Variants in DYNC2I1 observed in about 807,000 individuals in gnomAD.
DYNC2I1 encodes cytoplasmic dynein 2 intermediate chain 1.
DYNC2I1 carries 89 observed loss-of-function variants against 133.4 expected under a neutral mutation model. That is an observed-to-expected ratio of 0.67 (90% CI 0.56 to 0.80). The LOEUF (loss-of-function observed/expected upper bound fraction) is 0.80, where lower values mean the gene tolerates loss of function less well. DYNC2I1 is among the 30% of genes least tolerant of loss of function. DYNC2I1 has a pLI of 0.00. For synonymous variants in DYNC2I1, 504 were observed against 484.3 expected (o/e 1.04, Z -0.54); for missense variants, 1,291 against 1,314.5 (o/e 0.98, Z 0.28).
chr7:158,885,873 G>T (rs1053409996), intron 6 of DYNC2I1, among the ~76,000 whole-genome samples: 3 of 151,930 alleles, frequency 2.0e-5, no homozygotes, highest in African/African-American at 4.8e-5. Context: ...TTGTTAAACC[G>T]CATGGTATAT....
At chr7:158,882,475 A>G (rs1178954390) in intron 5 of DYNC2I1, among the ~76,000 whole-genome samples, 1 of 151,580 alleles carries the variant, frequency 6.6e-6, no homozygotes, top group African/African-American at 2.4e-5. Context: ...CCCAGCTACT[A>G]CAGAAGCTGA....
At chr7:158,848,673 C>T in the DYNC2I1 span, among the ~76,000 whole-genome samples, 5 of 151,808 alleles carry the variant, frequency 3.3e-5, no homozygotes, top group Admixed American at 2.0e-4. Context: ...GCCTGTAATC[C>T]CAGCACTTTG....
chr7:158,898,810 T>C (rs1054212239), intron 8 of DYNC2I1, among the ~76,000 whole-genome samples: 5 of 152,214 alleles, frequency 3.3e-5, no homozygotes, highest in Non-Finnish European at 5.9e-5. Context: ...CTTCTGTGGT[T>C]TTAATAGAAC....
At chr7:158,952,171 C>T (rs911554670) in intron 4 of DYNC2I1, among the ~76,000 whole-genome samples, 11 of 152,156 alleles carry the variant, frequency 7.2e-5, no homozygotes, top group African/African-American at 1.7e-4. Flanking sequence ...GCGGTAAACA[C>T]GCACGCTGGC....
At chr7:158,876,202 A>AG (rs1007827704) in intron 3 of DYNC2I1, among the ~76,000 whole-genome samples, 4 of 152,208 alleles carry the variant, frequency 2.6e-5, no homozygotes, top group African/African-American at 9.6e-5. Flanking sequence ...AGCAGGAGGA[A>AG]GGGAGAGAGT....
intron 20 of DYNC2I1, among the ~76,000 whole-genome samples, chr7:158,928,197 G>A (rs1300548941): frequency 1.3e-5 from 2 of 152,178 alleles, no homozygotes; most frequent in Non-Finnish European, 2.9e-5. Context: ...ACGATTTTCA[G>A]TTCCAGAAAG....
downstream of DYNC2I1, among the ~76,000 whole-genome samples, chr7:158,957,933 C>T (rs140376692): frequency 3.9e-3 from 591 of 152,350 alleles, 4 homozygotes; most frequent in African/African-American, 0.013. Context: ...GCCACTGCCC[C>T]CCAGTGTCTG....
At chr7:158,863,465 C>G (rs1842057603) in intron 1 of DYNC2I1, among the ~76,000 whole-genome samples, 1 of 151,918 alleles carries the variant, frequency 6.6e-6, no homozygotes, top group Non-Finnish European at 1.5e-5. Context: ...GAATGAGACT[C>G]TTTAAATAAT....
Position 158,945,724 on chromosome 7 carries a change from G to T in DYNC2I1, c.3146G>T (p.Arg1049Met), listed in dbSNP as rs747838734. The T allele has an allele frequency of 6.2e-7, 1 of 1,604,994 alleles. No individual in the cohort carries two copies. Reference sequence around the variant, plus strand: ...GCCCCGGAGGTGGACGAGTGCAACAGGCTGCGTCTGCTTTTGCAGGAAGCC... The same window carrying T: ...GCCCCGGAGGTGGACGAGTGCAACATGCTGCGTCTGCTTTTGCAGGAAGCC... The part of the protein sequence containing the change: ...WAAPEVDECN[R>M]LRLLLQEALW... Residue 1049 changes from arginine (R) to methionine (M), a missense_variant, in exon 25 of 25, where the codon AGG becomes ATG. Coordinates refer to ENST00000407559, the MANE Select transcript of DYNC2I1 (RefSeq NM_018051.5). The surrounding 1 kb of genome is among the most constrained non-coding windows in gnomAD (Gnocchi z 4.1).
intron 4 of DYNC2I1, among the ~76,000 whole-genome samples, chr7:158,955,686 T>C (rs1348027564): frequency 6.6e-6 from 1 of 152,184 alleles, no homozygotes; most frequent in African/African-American, 2.4e-5. Context: ...CGTTTGAACT[T>C]GAATATTTTC....
intron 4 of DYNC2I1, chr7:158,956,442 G>C (rs1297190364): frequency 6.6e-6 from 1 of 152,494 alleles, no homozygotes; most frequent in Non-Finnish European, 1.5e-5. Flanking sequence ...GTGGTGCTGA[G>C]GCTGCCAGGG....
At chr7:158,905,693 G>A (rs548790734) in intron 10 of DYNC2I1, among the ~76,000 whole-genome samples, 15 of 152,200 alleles carry the variant, frequency 9.9e-5, no homozygotes, top group African/African-American at 3.6e-4. Flanking sequence ...CAGAATGGGC[G>A]GGATGGGGGC....
At chr7:158,933,838 G>T (rs1563197745) in intron 21 of DYNC2I1, among the ~76,000 whole-genome samples, 1 of 152,188 alleles carries the variant, frequency 6.6e-6, no homozygotes, top group East Asian at 1.9e-4. Flanking sequence ...CAATCTAAAA[G>T]AAATTTCTAG....
intron 1 of DYNC2I1, among the ~76,000 whole-genome samples, chr7:158,857,534 G>GTT (rs374994955): frequency 0.013 from 1,723 of 131,126 alleles, 162 homozygotes; most frequent in African/African-American, 0.049. Flanking sequence ...TAAACCTTAG[G>GTT]TTTTTGTTTT....
At chr7:158,924,948 G>T (rs1445299190) in intron 17 of DYNC2I1, among the ~76,000 whole-genome samples, 1 of 152,108 alleles carries the variant, frequency 6.6e-6, no homozygotes, top group East Asian at 1.9e-4. Context: ...TAGAGACGGG[G>T]TTTCTCCATG....
rs1054731569 is a variant in DYNC2I1 at position 158,945,170 on chromosome 7, G to C, written c.3003-411G>C. The stretch of plus-strand genomic sequence containing the variant: ...GGAGTGGAGGGGTCCGGGGCTCCAG[G>C]GTGAGTCCGGGCTGGAGACGCAGAC... On this transcript the variant is annotated intron_variant, in intron 24 of 24. Transcript: ENST00000407559. This position sits in a 1 kb window ranked among gnomAD's most constrained non-coding sequence, Gnocchi z 4.1. Among the ~76,000 whole-genome samples, 1 of 152,116 alleles carries C rather than the reference G, an allele frequency of 6.6e-6. No homozygotes were observed. The highest frequency in any genetic ancestry group is 1.5e-5 in the Non-Finnish European group (1 of 68,012).
At chr7:158,893,862 T>C (rs13312196) in intron 8 of DYNC2I1, among the ~76,000 whole-genome samples, 2 of 151,114 alleles carry the variant, frequency 1.3e-5, no homozygotes, top group African/African-American at 4.9e-5. Flanking sequence ...TACCACATAT[T>C]GTACCACATA....
rs1442915222 is a variant in DYNC2I1, at chr7:158,879,867, GAAGA to G, written c.762_765del (p.Glu254AspfsTer63). 1 of 1,613,384 alleles carries G rather than the reference GAAGA, an allele frequency of 6.2e-7. No individual in the cohort carries two copies. On this transcript the variant is annotated frameshift_variant, in exon 5 of 25. Coordinates refer to ENST00000407559, the MANE Select transcript of DYNC2I1 (RefSeq NM_018051.5). LOFTEE classifies it high-confidence loss of function. ...AAGTAATTCATTCTCTGACAAAGGG[GAAGA>G]AAGACATAAAGAAAAGCGACACAAA...
intron 1 of DYNC2I1, among the ~76,000 whole-genome samples, chr7:158,865,237 C>G (rs944886617): frequency 2.0e-5 from 3 of 152,172 alleles, no homozygotes; most frequent in African/African-American, 7.2e-5. Flanking sequence ...TTTACTTCTC[C>G]TTGGATTTCA....
Sources: gnomAD v4.1 joint callset for allele counts (sites outside exome capture counted in the v4.1 genomes callset) on GRCh38, gnomAD v4.1.1 for gene constraint, Gnocchi (gnomAD v3.1) non-coding constraint, MANE v1.5 for transcripts, NCBI Gene and HGNC (gene_info 2026-07-23, HGNC 2026-07-21) for gene names.